Variants in GLDC observed in about 807,000 individuals in gnomAD.
GLDC encodes the protein glycine dehydrogenase (decarboxylating), mitochondrial.
In GLDC, 104 loss-of-function variants were observed where a neutral mutation model predicts 121.3. That is an observed-to-expected ratio of 0.86 (90% CI 0.73 to 1.01). The LOEUF (loss-of-function observed/expected upper bound fraction) is 1.01. GLDC is among the 50% of genes least tolerant of loss of function. The pLI is 0.00. For missense variants in GLDC, 1,429 were observed against 1,306.6 expected (o/e 1.09, Z -1.44); for synonymous variants, 546 against 480.6 (o/e 1.14, Z -1.78).
At position 6,610,355 on chromosome 9, in the gene GLDC, T is replaced by C; in HGVS notation, c.472A>G (p.Ile158Val). Residue 158 changes from isoleucine (I) to valine (V), a missense_variant and splice_region_variant, in exon 4 of 25, where the codon ATC (isoleucine) becomes GTC (valine). Ile to Val is a conservative substitution (Grantham distance 29). Transcript: ENST00000321612. ...LRNLLENSGW[I>V]TQYTPYQPEV... is the part of the protein sequence containing the mutation. ...GGCTGGTATGGAGTATACTGGGTGA[T>C]CCTGCAAGGGAAACAAAAGGTCTTG... 5.6e-6 allele frequency: 9 copies of C among 1,614,038 alleles called. No homozygotes were observed. The highest frequency in any genetic ancestry group is 7.6e-6 in the Non-Finnish European group (9 of 1,179,928).
chr9:6,588,221 T>G (rs1818308104), intron 14 of GLDC, among the ~76,000 whole-genome samples, 180 bp downstream of exon 14: 1 of 152,182 alleles, frequency 6.6e-6, no homozygotes, highest in African/African-American at 2.4e-5. Context: ...ATTTAAATGA[T>G]GAAGTCGTGA....
intron 16 of GLDC, among the ~76,000 whole-genome samples, chr9:6,558,990 G>A (rs1817690832): frequency 1.3e-5 from 2 of 152,110 alleles, no homozygotes; most frequent in Non-Finnish European, 2.9e-5. Flanking sequence ...GTCTCAGTTA[G>A]GATACACAGA....
intron 15 of GLDC, 162 bp from the exon 16 acceptor site, chr9:6,565,591 G>A: frequency 1.4e-6 from 1 of 702,184 alleles, no homozygotes; most frequent in Admixed American, 2.1e-5. Flanking sequence ...GGAGTCAAAA[G>A]GTCTTGAACA....
chr9:6,604,494 C>A, intron 7 of GLDC, 94 bp downstream of exon 7: 1 of 1,149,042 alleles, frequency 8.7e-7, no homozygotes. Flanking sequence ...TCAACATGGC[C>A]CAGTTGAATT....
chr9:6,553,639 C>T (rs1817560192), intron 19 of GLDC, 130 bp from the exon 20 acceptor site: 1 of 831,596 alleles, frequency 1.2e-6, no homozygotes, highest in Admixed American at 1.9e-5. Context: ...GACTCTCCAC[C>T]TGCTGGGAGG....
At chr9:6,578,407 G>A (rs1818113683) in intron 15 of GLDC, among the ~76,000 whole-genome samples, 1 of 151,444 alleles carries the variant, frequency 6.6e-6, no homozygotes, top group South Asian at 2.1e-4. Flanking sequence ...ATGAATCATG[G>A]CACCCAGCTC....
At chr9:6,645,154 G>T in intron 1 of GLDC, 91 bp downstream of exon 1, 1 of 1,305,036 alleles carries the variant, frequency 7.7e-7, no homozygotes, top group South Asian at 1.5e-5. Flanking sequence ...GCGGAGCGCA[G>T]CAGAGCTCAG....
At chr9:6,608,296 C>G (rs1423787964) in intron 4 of GLDC, among the ~76,000 whole-genome samples, 2 of 146,516 alleles carry the variant, frequency 1.4e-5, no homozygotes, top group Admixed American at 1.4e-4. Flanking sequence ...GTGGCGGGCA[C>G]CTGTAGTCCC....
intron 18 of GLDC, among the ~76,000 whole-genome samples, chr9:6,555,685 G>A (rs910511756): frequency 5.3e-5 from 8 of 152,078 alleles, no homozygotes; most frequent in South Asian, 2.1e-4. Context: ...CCAGCTACTC[G>A]GGAGGCTGAG....
At chr9:6,535,787 T>G (rs1817114457) in intron 23 of GLDC, among the ~76,000 whole-genome samples, 1 of 152,214 alleles carries the variant, frequency 6.6e-6, no homozygotes, top group Non-Finnish European at 1.5e-5. Context: ...TATGCCATAA[T>G]CTCACTACAG....
intron 17 of GLDC, 63 bp downstream of exon 17, chr9:6,558,496 C>G (rs536077307): frequency 1.3e-6 from 2 of 1,579,288 alleles, no homozygotes; most frequent in Non-Finnish European, 1.7e-6. Context: ...TCCATCAAGT[C>G]CCTGATCCCC....
chr9:6,632,080 T>G (rs1453205575), intron 2 of GLDC, among the ~76,000 whole-genome samples: 2 of 152,134 alleles, frequency 1.3e-5, no homozygotes, highest in African/African-American at 4.8e-5. Context: ...AAAAGTCATA[T>G]GGAGAAATTT....
intron 15 of GLDC, among the ~76,000 whole-genome samples, chr9:6,573,026 C>G (rs910684588): frequency 2.0e-5 from 3 of 152,172 alleles, no homozygotes; most frequent in Admixed American, 2.0e-4. Flanking sequence ...AGCTGTCTGG[C>G]TCCAAGCAAA....
chr9:6,564,501 T>G (rs1264542649), intron 16 of GLDC, among the ~76,000 whole-genome samples: 2 of 152,184 alleles, frequency 1.3e-5, no homozygotes, highest in Non-Finnish European at 2.9e-5. Flanking sequence ...CCTACTTACT[T>G]AGCCAGCCAG....
chr9:6,593,099 C>T (rs1818410609), intron 9 of GLDC, 109 bp from the exon 10 acceptor site: 1 of 1,166,772 alleles, frequency 8.6e-7, no homozygotes, highest in African/African-American at 1.5e-5. Flanking sequence ...CTTGTTGGTC[C>T]TGGGGAGTGC....
chr9:6,609,159 C>T (rs2129912852), intron 4 of GLDC, among the ~76,000 whole-genome samples: 1 of 152,314 alleles, frequency 6.6e-6, no homozygotes, highest in Non-Finnish European at 1.5e-5. Flanking sequence ...AAGGTACACT[C>T]CTAAGTACTG....
At chr9:6,570,959 T>C (rs1172762630) in intron 15 of GLDC, among the ~76,000 whole-genome samples, 2 of 151,998 alleles carry the variant, frequency 1.3e-5, no homozygotes, top group African/African-American at 4.8e-5. Context: ...TTATGAGTGA[T>C]AAATTATAAG....
At chr9:6,538,177 C>G (rs1382735572) in intron 22 of GLDC, among the ~76,000 whole-genome samples, 1 of 151,574 alleles carries the variant, frequency 6.6e-6, no homozygotes, top group African/African-American at 2.4e-5. Flanking sequence ...CATGTGTGAG[C>G]AAATTCAGTC....
At chr9:6,563,963 G>A (rs1447257619) in intron 16 of GLDC, among the ~76,000 whole-genome samples, 2 of 151,688 alleles carry the variant, frequency 1.3e-5, no homozygotes, top group African/African-American at 4.8e-5. Flanking sequence ...AAAAAAAAAA[G>A]GGCCAGGCGC....
Sources: allele counts gnomAD v4.1 joint callset (sites outside exome capture counted in the v4.1 genomes callset), GRCh38; gene constraint gnomAD v4.1.1; transcripts MANE v1.5; gene names NCBI Gene and HGNC (gene_info 2026-07-23, HGNC 2026-07-21).